Variants in MGMT observed in about 807,000 individuals in gnomAD.
The protein encoded by MGMT is methylated-DNA--protein-cysteine methyltransferase.
In MGMT, 14 loss-of-function variants were observed where a neutral mutation model predicts 15.9. That is an observed-to-expected ratio of 0.88 (90% CI 0.58 to 1.37). The LOEUF (loss-of-function observed/expected upper bound fraction) is 1.37. Ranked by LOEUF, MGMT falls within the 40% of genes most tolerant of loss-of-function variation. The pLI is 0.00. For synonymous variants in MGMT, 130 were observed against 118.2 expected, an observed-to-expected ratio of 1.10 and a Z score of -0.65; for missense variants, 282 against 268.1, an observed-to-expected ratio of 1.05 and a Z score of -0.36.
At chr10:129,691,182 A>G (rs1847965637) in intron 2 of MGMT, among the ~76,000 whole-genome samples, 2 of 152,166 alleles carry the variant, frequency 1.3e-5, no homozygotes, top group African/African-American at 4.8e-5. Context: ...AGAGGTGATG[A>G]CCAGGTTCCA....
intron 2 of MGMT, among the ~76,000 whole-genome samples, chr10:129,635,200 G>A (rs1330947573): frequency 6.6e-6 from 1 of 152,190 alleles, no homozygotes; most frequent in African/African-American, 2.4e-5. Flanking sequence ...CTGCCTGGGG[G>A]AGCTTCCTGA....
chr10:129,704,037 C>T (rs1848129543), intron 2 of MGMT, among the ~76,000 whole-genome samples: 1 of 152,128 alleles, frequency 6.6e-6, no homozygotes, highest in South Asian at 2.1e-4. Flanking sequence ...CTCTGTTCGG[C>T]CGCCTTCCCC....
At chr10:129,589,281 C>T (rs1160530874) in intron 2 of MGMT, among the ~76,000 whole-genome samples, 3 of 152,206 alleles carry the variant, frequency 2.0e-5, no homozygotes, top group Non-Finnish European at 4.4e-5. Flanking sequence ...GCAGCCAGGC[C>T]TCAAGCCGCC....
At chr10:129,582,542 C>T (rs2133047758) in intron 2 of MGMT, among the ~76,000 whole-genome samples, 1 of 151,772 alleles carries the variant, frequency 6.6e-6, no homozygotes, top group African/African-American at 2.4e-5. Context: ...TTTTAAAAGA[C>T]AGTTACAAAT....
chr10:129,495,822 G>T (rs1424370509), intron 1 of MGMT, among the ~76,000 whole-genome samples: 1 of 152,192 alleles, frequency 6.6e-6, no homozygotes, highest in African/African-American at 2.4e-5. Context: ...CAGGATGTAA[G>T]TTCCTGCAGA....
At chr10:129,665,106 C>T (rs1847641828) in intron 2 of MGMT, among the ~76,000 whole-genome samples, 1 of 152,074 alleles carries the variant, frequency 6.6e-6, no homozygotes, top group African/African-American at 2.4e-5. Context: ...TGAACAAAAA[C>T]AGATACCTAC....
intron 2 of MGMT, among the ~76,000 whole-genome samples, chr10:129,565,759 A>G (rs1281533123): frequency 6.6e-6 from 1 of 152,072 alleles, no homozygotes; most frequent in Non-Finnish European, 1.5e-5. Context: ...CTCCCCGTGG[A>G]TTAGCGGCCC....
At chr10:129,689,830 C>T (rs1847950059) in intron 2 of MGMT, among the ~76,000 whole-genome samples, 1 of 152,196 alleles carries the variant, frequency 6.6e-6, no homozygotes, top group African/African-American at 2.4e-5. Flanking sequence ...CTTCCCAGTG[C>T]TTTCTGGGCT....
intron 2 of MGMT, among the ~76,000 whole-genome samples, chr10:129,637,430 G>T (rs1343279168): frequency 6.6e-6 from 1 of 152,174 alleles, no homozygotes; most frequent in South Asian, 2.1e-4. Flanking sequence ...CTCAACACAG[G>T]CTGGTTTCTG....
At chr10:129,628,557 C>T (rs1847176105) in intron 2 of MGMT, among the ~76,000 whole-genome samples, 1 of 152,164 alleles carries the variant, frequency 6.6e-6, no homozygotes, top group Admixed American at 6.5e-5. Context: ...CTTTCTGGAA[C>T]ACAGCCCCTG....
Position 129,694,591 on chromosome 10 carries a change from C to G in MGMT, c.126-13304C>G, listed in dbSNP as rs78362543. 6.6e-5 allele frequency among the ~76,000 whole-genome samples: 10 copies of G among 152,304 alleles called. No individual in the cohort carries two copies. In the East Asian group the frequency reaches 1.9e-3, roughly 29 times the overall value. On this transcript the variant is annotated intron_variant, in intron 2 of 4. Transcript: ENST00000651593. ...GAAGCTAAAATGTTTTCTCCCCCTT[C>G]CCTTCTCAGAACTCTCCAGCCCCCC...
intron 2 of MGMT, among the ~76,000 whole-genome samples, chr10:129,624,633 G>A (rs943468651): frequency 6.6e-6 from 1 of 152,190 alleles, no homozygotes; most frequent in Non-Finnish European, 1.5e-5. Context: ...GCAGAGGAGG[G>A]AAACGAAAGG....
At chr10:129,646,738 A>ATT (rs1199725603) in intron 2 of MGMT, among the ~76,000 whole-genome samples, 1 of 93,896 alleles carries the variant, frequency 1.1e-5, no homozygotes, top group Non-Finnish European at 2.3e-5. Context: ...ATATATATAT[A>ATT]TATATATATA....
chr10:129,600,970 A>G (rs1422664840), intron 2 of MGMT, among the ~76,000 whole-genome samples: 2 of 152,150 alleles, frequency 1.3e-5, no homozygotes, highest in African/African-American at 4.8e-5. Flanking sequence ...TAATATTAAT[A>G]TCAATATCAG....
At chr10:129,743,638 T>C (rs1466722717) in intron 3 of MGMT, among the ~76,000 whole-genome samples, 1 of 152,244 alleles carries the variant, frequency 6.6e-6, no homozygotes, top group African/African-American at 2.4e-5. Context: ...GGTGCACTCC[T>C]GGACCTTTGG....
intron 2 of MGMT, among the ~76,000 whole-genome samples, chr10:129,605,587 A>C (rs1846879633): frequency 6.6e-6 from 1 of 152,226 alleles, no homozygotes; most frequent in Non-Finnish European, 1.5e-5. Flanking sequence ...TTAAAAAAAA[A>C]CATGGAAAAT....
chr10:129,739,920 G>A (rs964368), intron 3 of MGMT, among the ~76,000 whole-genome samples: 3 of 152,064 alleles, frequency 2.0e-5, no homozygotes, highest in East Asian at 1.9e-4. Flanking sequence ...CAGGTCAGAG[G>A]CCCTACATCC....
chr10:129,748,102 G>T (rs889117447), intron 3 of MGMT, among the ~76,000 whole-genome samples: 1 of 152,138 alleles, frequency 6.6e-6, no homozygotes, highest in Non-Finnish European at 1.5e-5. Flanking sequence ...CACTCGTCCC[G>T]AAGAAGTTGC....
chr10:129,701,748 C>A (rs554092147), intron 2 of MGMT: 1 of 152,250 alleles, frequency 6.6e-6, no homozygotes, highest in South Asian at 2.1e-4. Flanking sequence ...TTGTCTGTGG[C>A]CAGGTGGGAT....
Sources: allele counts gnomAD v4.1 joint callset (sites outside exome capture counted in the v4.1 genomes callset), GRCh38; gene constraint gnomAD v4.1.1; transcripts MANE v1.5; gene names NCBI Gene and HGNC (gene_info 2026-07-23, HGNC 2026-07-21).